Variants in IL17RD observed in about 807,000 individuals in gnomAD.
IL17RD encodes the protein interleukin 17 receptor D, also known as interleukin-17 receptor D.
In IL17RD, 52 loss-of-function variants were observed where a neutral mutation model predicts 80.5. The ratio of observed to expected loss-of-function variants is 0.65; its 90% CI spans 0.52 to 0.81. The LOEUF is 0.81. IL17RD is among the 40% of genes least tolerant of loss of function. IL17RD has a pLI of 0.00. For synonymous variants in IL17RD, 416 were observed against 391.8 expected, an observed-to-expected ratio of 1.06 and a Z score of -0.73; for missense variants, 1,024 against 955.1, an observed-to-expected ratio of 1.07 and a Z score of -0.95.
chr3:57,131,658 A>G (rs1559478946), intron 1 of IL17RD, among the ~76,000 whole-genome samples: 1 of 152,212 alleles, frequency 6.6e-6, no homozygotes, highest in African/African-American at 2.4e-5. Context: ...CACCAAGGCC[A>G]AAATCACTTT....
intron 1 of IL17RD, among the ~76,000 whole-genome samples, chr3:57,155,384 G>A (rs1487123088): frequency 1.3e-5 from 2 of 152,164 alleles, no homozygotes; most frequent in African/African-American, 4.8e-5. Context: ...ACAGACACTC[G>A]GCCAGGTGTG....
chr3:57,163,544 A>G (rs923781582), intron 1 of IL17RD, among the ~76,000 whole-genome samples: 13 of 152,150 alleles, frequency 8.5e-5, no homozygotes, highest in African/African-American at 3.1e-4. Context: ...CTACGCCATC[A>G]CATGAACACT....
chr3:57,108,849 T>C (rs1707026492), intron 5 of IL17RD, among the ~76,000 whole-genome samples: 2 of 151,908 alleles, frequency 1.3e-5, no homozygotes, highest in South Asian at 4.2e-4. Context: ...GGGGTCTTGC[T>C]ATGTTGCCCA....
At chr3:57,140,332 C>A (rs1037729780) in intron 1 of IL17RD, among the ~76,000 whole-genome samples, 4 of 152,090 alleles carry the variant, frequency 2.6e-5, no homozygotes, top group Non-Finnish European at 5.9e-5. Context: ...TTTTTTTTAA[C>A]CAGATACTCC....
intron 1 of IL17RD, among the ~76,000 whole-genome samples, chr3:57,164,153 G>A (rs2107550056): frequency 6.6e-6 from 1 of 152,338 alleles, no homozygotes; most frequent in East Asian, 1.9e-4. Context: ...CCCAGGAGCA[G>A]AGCCAAGGTC....
intron 1 of IL17RD, among the ~76,000 whole-genome samples, chr3:57,147,342 G>T (rs1051021691): frequency 6.6e-6 from 1 of 152,152 alleles, no homozygotes; most frequent in African/African-American, 2.4e-5. Context: ...ATAGCCTCAG[G>T]GAAAAATTTG....
intron 1 of IL17RD, among the ~76,000 whole-genome samples, chr3:57,143,955 A>G (rs1707878609): frequency 6.6e-6 from 1 of 152,250 alleles, no homozygotes; most frequent in Non-Finnish European, 1.5e-5. Flanking sequence ...CTGTGGAAAT[A>G]GTCCACACCA....
At chr3:57,143,918 C>T (rs1707877570) in intron 1 of IL17RD, among the ~76,000 whole-genome samples, 1 of 152,186 alleles carries the variant, frequency 6.6e-6, no homozygotes, top group South Asian at 2.1e-4. Context: ...TATTTCTGTA[C>T]CTACAGGGGC....
rs754603217 is a variant in IL17RD, at chr3:57,098,287, G to A, written c.1416C>T (p.Leu472=). ...CAAAGTAGACGGCGATAAACTTGCT[G>A]AGCGCCGCGGACGAACTCTGCTTGG... The part of the protein sequence containing the change: ...RQAKQSSSAA[L]SKFIAVYFDY... The change falls in exon 12 of 13, where the codon CTC becomes CTT. Residue 472 remains leucine (L), a synonymous_variant. Transcript: ENST00000296318. 1.2e-6 allele frequency: 2 copies of A among 1,613,992 alleles called. No individual in the cohort carries two copies. Among genetic ancestry groups the A allele is most frequent in the South Asian group, 1.1e-5 (1 of 91,076 alleles).
At chr3:57,110,879 A>G (rs1035861008) in intron 3 of IL17RD, among the ~76,000 whole-genome samples, 1 of 152,244 alleles carries the variant, frequency 6.6e-6, no homozygotes, top group Admixed American at 6.5e-5. Context: ...TGCTCTAATC[A>G]TGCCTGAAAG....
intron 1 of IL17RD, among the ~76,000 whole-genome samples, chr3:57,160,276 G>C (rs1359351960): frequency 6.6e-6 from 1 of 151,364 alleles, no homozygotes; most frequent in African/African-American, 2.4e-5. Flanking sequence ...AAAGTTCAGG[G>C]ACAGAGGAAG....
chr3:57,138,981 G>C (rs1005199950), intron 1 of IL17RD, among the ~76,000 whole-genome samples: 7 of 150,670 alleles, frequency 4.6e-5, no homozygotes, highest in African/African-American at 1.7e-4. Flanking sequence ...TGGGGAAAGA[G>C]GGTCTTTTTT....
intron 1 of IL17RD, among the ~76,000 whole-genome samples, chr3:57,123,085 C>T (rs537128708): frequency 1.3e-5 from 2 of 152,252 alleles, no homozygotes; most frequent in Admixed American, 6.5e-5. Flanking sequence ...AACCTAAATC[C>T]CTCCAAATAA....
At chr3:57,124,061 C>A (rs557780705) in intron 1 of IL17RD, among the ~76,000 whole-genome samples, 2 of 152,182 alleles carry the variant, frequency 1.3e-5, no homozygotes, top group South Asian at 4.2e-4. Context: ...AACAAACAAA[C>A]AAAAACCTTT....
chr3:57,165,752 C>G (rs969504150), upstream of IL17RD, among the ~76,000 whole-genome samples: 1 of 152,108 alleles, frequency 6.6e-6, no homozygotes, highest in African/African-American at 2.4e-5. Flanking sequence ...TTATTGTTAT[C>G]CCAGTTTTAG....
At chr3:57,136,153 C>T (rs928536003) in intron 1 of IL17RD, among the ~76,000 whole-genome samples, 1 of 152,208 alleles carries the variant, frequency 6.6e-6, no homozygotes, top group African/African-American at 2.4e-5. Context: ...ACAACAATCA[C>T]ATTACAGCCG....
At chr3:57,114,900 ATGTC>A (rs1182348397) in intron 2 of IL17RD, 83 bp from the exon 3 acceptor site, 1 of 1,213,704 alleles carries the variant, frequency 8.2e-7, no homozygotes, top group Non-Finnish European at 1.1e-6. Flanking sequence ...TAAACAGGGC[ATGTC>A]TGAAGGTGGC....
Position 57,096,466 on chromosome 3 carries a change from G to T in IL17RD, c.2147C>A (p.Ser716Tyr), listed in dbSNP as rs1706675071. Residue 716 changes from serine (S) to tyrosine (Y), a missense_variant, in exon 13 of 13, where the codon TCT becomes TAT. By Grantham distance (144) the Ser-to-Tyr change is moderately radical. Coordinates refer to ENST00000296318, the MANE Select transcript of IL17RD (RefSeq NM_017563.5). ...EPPALPSKLL[S>Y]SGSCKADLGC... ...AAGATCTGCTTTGCATGACCCAGAA[G>T]AGAGGAGCTTGGAAGGAAGGGCAGG... 1 of 1,613,854 alleles carries T rather than the reference G, an allele frequency of 6.2e-7. No individual in the cohort carries two copies. Among genetic ancestry groups the T allele is most frequent in the African/African-American group, 1.3e-5 (1 of 74,938 alleles).
chr3:57,116,351 T>G (rs1388508475), intron 2 of IL17RD, among the ~76,000 whole-genome samples: 1 of 149,186 alleles, frequency 6.7e-6, no homozygotes, highest in African/African-American at 2.5e-5. Flanking sequence ...TGGCGCAATC[T>G]CGGCTCATGG....
Sources: gnomAD v4.1 joint callset for allele counts (sites outside exome capture counted in the v4.1 genomes callset) on GRCh38, gnomAD v4.1.1 for gene constraint, MANE v1.5 for transcripts, NCBI Gene and HGNC (gene_info 2026-07-23, HGNC 2026-07-21) for gene names.